The following OSBPL10 variants were observed in gnomAD, a reference collection of about 807,000 sequenced individuals.
OSBPL10 encodes the protein oxysterol-binding protein-related protein 10.
A neutral mutation model predicts 81.7 loss-of-function variants in OSBPL10; 49 were observed. The observed-to-expected ratio is 0.60, with a 90% confidence interval of 0.48 to 0.76. OSBPL10 has a LOEUF of 0.76. Among genes scored for constraint, OSBPL10 ranks in the 30% least tolerant of loss-of-function variants. The pLI, the probability that OSBPL10 is intolerant of heterozygous loss-of-function variation, is 0.00. For synonymous variants in OSBPL10, 419 were observed against 383.6 expected (o/e 1.09, Z -1.08); for missense variants, 923 against 987.8 (o/e 0.93, Z 0.88).
chr3:32,001,296 G>T (rs2125532076), intron 2 of OSBPL10, among the ~76,000 whole-genome samples: 1 of 152,230 alleles, frequency 6.6e-6, no homozygotes. Context: ...ACTCTATAAG[G>T]CTGGGCTCTA....
chr3:31,854,551 CTATA>C (rs1274805857), intron 3 of OSBPL10, among the ~76,000 whole-genome samples: 2 of 152,062 alleles, frequency 1.3e-5, no homozygotes, highest in Non-Finnish European at 2.9e-5. Context: ...AAGTGTTAGA[CTATA>C]TATAATTTTA....
chr3:31,993,419 G>T lies in OSBPL10; in HGVS notation n.298+53072C>A, dbSNP rs900861450. ...GACAGGGTTTCTCCATGTTGGTCAG[G>T]CTGGTTTCAAACTCCTGACCTCAGG... On this transcript the variant is annotated intron_variant and non_coding_transcript_variant, in intron 2 of 3. Transcript: ENST00000479173. Among the ~76,000 whole-genome samples the T allele has an allele frequency of 5.3e-5, 8 of 151,848 alleles. No individual in the cohort carries two copies. In the South Asian group the frequency reaches 6.2e-4, roughly 12 times the overall value.
At chr3:31,920,392 G>A (rs1021960802) in intron 1 of OSBPL10, among the ~76,000 whole-genome samples, 2 of 152,134 alleles carry the variant, frequency 1.3e-5, no homozygotes, top group Non-Finnish European at 2.9e-5. Context: ...TACAAATGTA[G>A]GAAACAACCT....
At chr3:31,997,016 G>A (rs34274095) in intron 2 of OSBPL10, among the ~76,000 whole-genome samples, 3,634 of 152,170 alleles carry the variant, frequency 0.024, 74 homozygotes, top group African/African-American at 0.057. Flanking sequence ...AAAGGTGGGA[G>A]CCTTTATTTA....
At chr3:31,753,185 ATTTTT>A (rs34050690) in intron 4 of OSBPL10, among the ~76,000 whole-genome samples, 1 of 140,998 alleles carries the variant, frequency 7.1e-6, no homozygotes. Context: ...TGCTTCAAGG[ATTTTT>A]TTTTTTTTTT....
chr3:31,845,238 G>A (rs1376706444), intron 3 of OSBPL10, among the ~76,000 whole-genome samples: 1 of 152,132 alleles, frequency 6.6e-6, no homozygotes, highest in African/African-American at 2.4e-5. Flanking sequence ...TGCTCATCCT[G>A]AAAGGGTTTC....
chr3:31,858,220 C>CAAACTCCTG (rs1325239089), intron 3 of OSBPL10, among the ~76,000 whole-genome samples: 1 of 152,022 alleles, frequency 6.6e-6, no homozygotes, highest in Non-Finnish European at 1.5e-5. Flanking sequence ...AGGCTGATCT[C>CAAACTCCTG]AAACTCCTGG....
At chr3:31,960,055 T>G (rs1698115238) in intron 1 of OSBPL10, 1 of 152,230 alleles carries the variant, frequency 6.6e-6, no homozygotes, top group Non-Finnish European at 1.5e-5. Flanking sequence ...TTAGGTCTGA[T>G]GTACTCCATG....
chr3:31,751,518 G>A (rs1183707551), intron 4 of OSBPL10, among the ~76,000 whole-genome samples: 2 of 152,200 alleles, frequency 1.3e-5, no homozygotes, highest in Non-Finnish European at 2.9e-5. Context: ...AAGAACTACG[G>A]CACTGAAAGC....
At chr3:31,747,114 C>G (rs1022765054) in intron 5 of OSBPL10, among the ~76,000 whole-genome samples, 31 of 152,260 alleles carry the variant, frequency 2.0e-4, no homozygotes, top group Non-Finnish European at 4.4e-4. Context: ...ACAGGTGGAT[C>G]ACCTGAGGTC....
chr3:31,846,812 C>A (rs1359265053), intron 3 of OSBPL10, among the ~76,000 whole-genome samples: 1 of 152,082 alleles, frequency 6.6e-6, no homozygotes, highest in Non-Finnish European at 1.5e-5. Flanking sequence ...GCATGCCCAC[C>A]TTTCAAAGCT....
At chr3:31,916,547 CTT>C (rs1696764369) in intron 1 of OSBPL10, among the ~76,000 whole-genome samples, 1 of 152,142 alleles carries the variant, frequency 6.6e-6, no homozygotes, top group Admixed American at 6.5e-5. Flanking sequence ...TAAATTGACT[CTT>C]AGTCTTTTAT....
Position 31,668,794 on chromosome 3 carries a change from G to A in OSBPL10, c.1944C>T (p.Thr648=), listed in dbSNP as rs1700259470. 1 of 1,612,476 alleles carries A rather than the reference G, an allele frequency of 6.2e-7. No individual in the cohort carries two copies. The highest frequency in any genetic ancestry group is 8.5e-7 in the Non-Finnish European group (1 of 1,178,946). Residue 648 remains threonine, a synonymous_variant, in exon 10 of 12, where the codon ACC becomes ACT. Transcript: ENST00000396556. ...CATGGGCTTTACAAACAATGGTGTT[G>A]GTTGGGTTGTGCTTCACTTCTGCGG... ...RVTAEVKHNP[T]NTIVCKAHGE...
chr3:31,706,250 G>A (rs570421360), intron 6 of OSBPL10, among the ~76,000 whole-genome samples: 6 of 152,316 alleles, frequency 3.9e-5, no homozygotes, highest in Admixed American at 6.5e-5. Context: ...ACCTGTGCCC[G>A]GAGCAAGGGT....
At chr3:31,961,640 T>C (rs1198862943) in intron 1 of OSBPL10, among the ~76,000 whole-genome samples, 2 of 152,240 alleles carry the variant, frequency 1.3e-5, no homozygotes, top group East Asian at 3.9e-4. Flanking sequence ...TCACTCTATT[T>C]CCTAGGCTGG....
chr3:31,839,530 TGAG>T lies in OSBPL10; in HGVS notation c.538-9302_538-9300del, dbSNP rs1167197448. The stretch of plus-strand genomic sequence containing the variant: ...GGGATAGAAAAAAAGAAAAAAAACT[TGAG>T]GAGGCTTTCCAATTTTAGGTAGGTG... On this transcript the variant is annotated intron_variant, in intron 3 of 11. Coordinates refer to ENST00000396556, the MANE Select transcript of OSBPL10 (RefSeq NM_017784.5). 2.0e-5 allele frequency among the ~76,000 whole-genome samples: 3 copies of T among 151,938 alleles called. No homozygotes were observed. The South Asian group carries it at 6.3e-4, about 32-fold the overall frequency.
At chr3:31,674,705 T>C (rs1487763417) in intron 8 of OSBPL10, among the ~76,000 whole-genome samples, 4 of 152,222 alleles carry the variant, frequency 2.6e-5, no homozygotes, top group Admixed American at 2.6e-4. Context: ...CCCCTTCCTC[T>C]TCCACCACGA....
chr3:31,890,724 C>T (rs932194570), intron 1 of OSBPL10, among the ~76,000 whole-genome samples: 4 of 152,174 alleles, frequency 2.6e-5, no homozygotes, highest in Middle Eastern at 3.2e-3. Context: ...TAGGCTTTCA[C>T]AATATTGCCT....
chr3:31,792,752 T>A (rs1575547544), intron 4 of OSBPL10, among the ~76,000 whole-genome samples: 2 of 134,612 alleles, frequency 1.5e-5, no homozygotes, highest in South Asian at 2.2e-4. Context: ...TGTGTGTGTG[T>A]GTGTGTGTGT....
Sources: gnomAD v4.1 joint callset for allele counts (sites outside exome capture counted in the v4.1 genomes callset) on GRCh38, gnomAD v4.1.1 for gene constraint, MANE v1.5 for transcripts, NCBI Gene and HGNC (gene_info 2026-07-23, HGNC 2026-07-21) for gene names.